TBC1D16: variants seen among roughly 807,000 people sequenced by gnomAD.
TBC1D16 encodes CTD-2529O21.1.
In TBC1D16, 58 loss-of-function variants were observed where a neutral mutation model predicts 74.7. The observed-to-expected ratio is 0.78, with a 90% CI of 0.63 to 0.97. TBC1D16 has a LOEUF of 0.97. Among genes scored for constraint, TBC1D16 ranks in the 50% least tolerant of loss-of-function variants. The pLI is 0.00. For missense variants in TBC1D16, 1,014 were observed against 1,079.5 expected (o/e 0.94, Z 0.85); for synonymous variants, 493 against 474.7 (o/e 1.04, Z -0.50).
At chr17:79,970,959 T>G (rs915172609) in intron 3 of TBC1D16, among the ~76,000 whole-genome samples, 3 of 152,162 alleles carry the variant, frequency 2.0e-5, no homozygotes, top group African/African-American at 7.2e-5. Context: ...TTCCTCCCAG[T>G]GTGGGAATGG....
At chr17:80,034,608 T>G (rs78746549) in intron 1 of TBC1D16, among the ~76,000 whole-genome samples, 8,517 of 152,260 alleles carry the variant, frequency 0.056, 722 homozygotes, top group African/African-American at 0.18. Flanking sequence ...GCAAACAACA[T>G]CCATTAATGA....
In TBC1D16 at chr17:80,023,669, C is replaced by CCG. The variant is rs2036373582; in HGVS notation, c.-62-10061_-62-10060insCG. On this transcript the variant is annotated intron_variant, in intron 1 of 11. Coordinates refer to ENST00000310924, the MANE Select transcript of TBC1D16 (RefSeq NM_019020.4). ...GAACTGCTGCCGGGCCCCCCCCCACCGGCTCAGGGCGTGGCTGGGGTGGCC... is the reference window on the plus strand; with the variant it reads ...GAACTGCTGCCGGGCCCCCCCCCACCCGGGCTCAGGGCGTGGCTGGGGTGGCC... Among the ~76,000 whole-genome samples the CCG allele has an allele frequency of 1.3e-5, 2 of 148,962 alleles. 1 individual carries two copies. The highest frequency in any genetic ancestry group is 4.2e-4 in the South Asian group (2 of 4,728).
At chr17:79,953,256 T>G (rs2033168850) in intron 3 of TBC1D16, among the ~76,000 whole-genome samples, 2 of 152,232 alleles carry the variant, frequency 1.3e-5, no homozygotes, top group African/African-American at 4.8e-5. Flanking sequence ...TGGGATGATT[T>G]TAGATAGCAT....
rs1270186740 is a variant in TBC1D16 at position 79,947,626 on chromosome 17, C to T, written c.1728+19G>A. On this transcript the variant is annotated intron_variant, in intron 9 of 11. Transcript: ENST00000310924. Reference sequence around the variant, plus strand: ...GGCCCTCACATGCCCTTGGACGCACCCATCCCCCTGAGCCTCACCAGTTGT... The same window carrying T: ...GGCCCTCACATGCCCTTGGACGCACTCATCCCCCTGAGCCTCACCAGTTGT... The T allele has an allele frequency of 3.1e-6, 5 of 1,613,006 alleles. No individual in the cohort carries two copies. The highest frequency in any genetic ancestry group is 3.4e-6 in the Non-Finnish European group (4 of 1,179,398).
intron 3 of TBC1D16, among the ~76,000 whole-genome samples, chr17:79,959,850 A>C (rs1357611023): frequency 6.6e-6 from 1 of 152,220 alleles, no homozygotes; most frequent in Non-Finnish European, 1.5e-5. Flanking sequence ...CTGTAAAAGA[A>C]ATAATAAATT....
chr17:79,947,307 C>T (rs2032626276), intron 9 of TBC1D16, among the ~76,000 whole-genome samples: 1 of 152,154 alleles, frequency 6.6e-6, no homozygotes, highest in South Asian at 2.1e-4. Flanking sequence ...ACCTGAGGAC[C>T]CATTTTCTAA....
intron 1 of TBC1D16, among the ~76,000 whole-genome samples, chr17:80,025,137 GGCAC>G: frequency 7.5e-4 from 1 of 1,326 alleles, no homozygotes; most frequent in South Asian, 6.2e-3. Context: ...ACACACCATA[GGCAC>G]ACACAAACAC....
intron 3 of TBC1D16, among the ~76,000 whole-genome samples, chr17:79,978,046 G>T (rs927473809): frequency 6.6e-6 from 1 of 152,230 alleles, no homozygotes; most frequent in African/African-American, 2.4e-5. Flanking sequence ...TAAGTGATGG[G>T]CGCACAGCCG....
intron 1 of TBC1D16, chr17:80,026,193 C>G (rs182988901): frequency 6.7e-6 from 1 of 150,194 alleles, no homozygotes; most frequent in Non-Finnish European, 1.5e-5. Context: ...GAGGCCAAGG[C>G]GGGTGGATCA....
rs2144175630 is a variant in TBC1D16, at chr17:79,975,452, G to A, written c.780-22634C>T. Among the ~76,000 whole-genome samples, 1 of 152,264 alleles carries A rather than the reference G, an allele frequency of 6.6e-6. No homozygotes were observed. On this transcript the variant is annotated intron_variant, in intron 3 of 11. Coordinates refer to ENST00000310924, the MANE Select transcript of TBC1D16 (RefSeq NM_019020.4). The surrounding 1 kb of genome is among the most constrained non-coding windows in gnomAD (Gnocchi z 4.5). ...TAAAAGGCTGCTGAGAGCCAGCCAG[G>A]TGTTCTTTAAGCCCCTGTGAAGATT...
In TBC1D16 at chr17:80,025,146, A is replaced by AATGACACG. The variant is rs796772757; in HGVS notation, c.-63+10648_-63+10649insCGTGTCAT. Reference sequence around the variant, plus strand: ...ACACACACACACCATAGGCACACACAAACACACCAGGACACACACACCATA... The same window carrying AATGACACG: ...ACACACACACACCATAGGCACACACAATGACACGAACACACCAGGACACACACACCATA... On this transcript the variant is annotated intron_variant, in intron 1 of 11. Coordinates refer to ENST00000310924, the MANE Select transcript of TBC1D16 (RefSeq NM_019020.4). Among the ~76,000 whole-genome samples, 5 of 87,922 alleles carry AATGACACG rather than the reference A, an allele frequency of 5.7e-5. No individual in the cohort carries two copies. In the South Asian group the frequency reaches 1.8e-3, roughly 32 times the overall value. The allele number at this position is 87,922 out of a possible 152,430, so 57.7% of individuals were successfully genotyped here. A position where few individuals can be genotyped will look rare whatever the true frequency, so the allele number is the denominator to read the frequency against.
chr17:79,970,494 G>A (rs192057026), intron 3 of TBC1D16, among the ~76,000 whole-genome samples: 53 of 152,314 alleles, frequency 3.5e-4, no homozygotes, highest in African/African-American at 1.3e-3. Context: ...CCACCAAAGG[G>A]TCTTGTACAA....
intron 1 of TBC1D16, among the ~76,000 whole-genome samples, chr17:80,024,992 TAC>T (rs1443173357): frequency 3.1e-5 from 1 of 32,656 alleles, no homozygotes; most frequent in Non-Finnish European, 5.8e-5. Context: ...CACCACACTC[TAC>T]ACACACACCA....
rs1185932626 is a variant in TBC1D16 at position 79,949,610 on chromosome 17, G to T, written c.1406+107C>A. 2.9e-6 allele frequency: 4 copies of T among 1,383,542 alleles called. No individual in the cohort carries two copies. The Admixed American group carries it at 6.4e-5, about 22-fold the overall frequency. The allele number at this position is 1,383,542 out of a possible 1,614,324, so 85.7% of individuals were successfully genotyped here. On this transcript the variant is annotated intron_variant, in intron 7 of 11. Transcript: ENST00000310924. Reference sequence around the variant, plus strand: ...AGACCCATTTTTGAAAGAAACTATGGGTCACGAAACATATTATCAATGCTG... The same window carrying T: ...AGACCCATTTTTGAAAGAAACTATGTGTCACGAAACATATTATCAATGCTG...
chr17:79,955,285 T>C (rs1417897978), intron 3 of TBC1D16, among the ~76,000 whole-genome samples: 1 of 152,070 alleles, frequency 6.6e-6, no homozygotes, highest in Non-Finnish European at 1.5e-5. Context: ...AGGCCCTGTG[T>C]GGTCATGGAG....
rs137889347 is a variant in TBC1D16, at chr17:79,980,066, G to A, written c.780-27248C>T. Among the ~76,000 whole-genome samples, 40 of 152,292 alleles carry A rather than the reference G, an allele frequency of 2.6e-4. No individual in the cohort carries two copies. Among genetic ancestry groups the A allele is most frequent in the African/African-American group, 8.7e-4 (36 of 41,568 alleles). Reference sequence around the variant, plus strand: ...ACCTGGAGGAGCAGCTCACCGTGCCGTGGAGGGTGGCCGCGAGGTTCATCT... The same window carrying A: ...ACCTGGAGGAGCAGCTCACCGTGCCATGGAGGGTGGCCGCGAGGTTCATCT... On this transcript the variant is annotated intron_variant, in intron 3 of 11. Coordinates refer to ENST00000310924, the MANE Select transcript of TBC1D16 (RefSeq NM_019020.4). The surrounding 1 kb of genome is among the most constrained non-coding windows in gnomAD (Gnocchi z 7.0).
intron 3 of TBC1D16, among the ~76,000 whole-genome samples, chr17:80,004,740 T>C (rs964020341): frequency 6.6e-6 from 1 of 152,232 alleles, no homozygotes; most frequent in Admixed American, 6.5e-5. Flanking sequence ...AGGGGCACCA[T>C]CTCGGCTCAC....
Position 79,941,123 on chromosome 17 carries a change from G to A in TBC1D16, c.2056-16C>T, listed in dbSNP as rs371608953. The A allele has an allele frequency of 2.1e-5, 33 of 1,549,674 alleles. No individual in the cohort carries two copies. The highest frequency in any genetic ancestry group is 4.8e-5 in the East Asian group (2 of 42,044). The stretch of plus-strand genomic sequence containing the variant: ...AACTCCTCGCCTGCAGACAGAGGAC[G>A]GGGGGTGAGGAGGGGCCGGGGGACA... On this transcript the variant is annotated splice_polypyrimidine_tract_variant and intron_variant, in intron 11 of 11. Transcript: ENST00000310924. This position sits in a 1 kb window ranked among gnomAD's most constrained non-coding sequence, Gnocchi z 4.3.
At chr17:80,025,309 C>A (rs1275090983) in intron 1 of TBC1D16, among the ~76,000 whole-genome samples, 10 of 144,150 alleles carry the variant, frequency 6.9e-5, no homozygotes, top group Non-Finnish European at 3.0e-5. Flanking sequence ...CCACTCCTTC[C>A]CAGCTGTCTC....
Sources: gnomAD v4.1 joint callset for allele counts (sites outside exome capture counted in the v4.1 genomes callset) on GRCh38, gnomAD v4.1.1 for gene constraint, Gnocchi (gnomAD v3.1) non-coding constraint, MANE v1.5 for transcripts, NCBI Gene and HGNC (gene_info 2026-07-23, HGNC 2026-07-21) for gene names.